The following SPAG16 variants were observed in gnomAD, a reference collection of about 807,000 sequenced individuals.
SPAG16 encodes sperm associated antigen 16.
SPAG16 carries 86 observed loss-of-function variants against 80.4 expected under a neutral mutation model. The ratio of observed to expected loss-of-function variants is 1.07; its 90% CI spans 0.90 to 1.28. The LOEUF (loss-of-function observed/expected upper bound fraction) is 1.28. Among genes scored for constraint, SPAG16 ranks in the 50% most tolerant of loss-of-function variants. The probability of loss-of-function intolerance (pLI) is 0.00; values close to 1 mark genes in which losing one functional copy is unlikely to be tolerated. For missense variants in SPAG16, 870 were observed against 765.3 expected (o/e 1.14, Z -1.61); for synonymous variants, 294 against 265.9 (o/e 1.11, Z -1.03).
At chr2:213,327,849 TGA>T (rs1319381082) in intron 5 of SPAG16, among the ~76,000 whole-genome samples, 4 of 152,292 alleles carry the variant, frequency 2.6e-5, no homozygotes, top group African/African-American at 9.6e-5. Context: ...TTTACTATAC[TGA>T]ATAGCAGTAT....
At chr2:214,244,501 C>T (rs1217234852) in intron 15 of SPAG16, among the ~76,000 whole-genome samples, 1 of 151,470 alleles carries the variant, frequency 6.6e-6, no homozygotes, top group Non-Finnish European at 1.5e-5. Context: ...TTCTGAGGCC[C>T]TGATAGGAAG....
At position 213,408,194 on chromosome 2, in the gene SPAG16, A is replaced by G. The variant is rs200573033; in HGVS notation, c.942+33075A>G. 2.4e-4 allele frequency among the ~76,000 whole-genome samples: 37 copies of G among 152,338 alleles called. No homozygotes were observed. The East Asian group carries it at 6.4e-3, about 26-fold the overall frequency. ...ATTTAAAACCTATAATTGATAATTG[A>G]AGGTCTTCTCCGTGACCCTGCAACA... On this transcript the variant is annotated intron_variant, in intron 9 of 15. Transcript: ENST00000331683.
At position 214,158,526 on chromosome 2, in the gene SPAG16, A is replaced by G. The variant is rs2056309282; in HGVS notation, c.1720+9260A>G. Among the ~76,000 whole-genome samples the G allele has an allele frequency of 2.6e-5, 4 of 152,038 alleles. No homozygotes were observed. The South Asian group carries it at 8.3e-4, about 31-fold the overall frequency. Reference sequence around the variant, plus strand: ...TCCAACATTTTAATAAATTAAATTAATGACTGGATCAAAGTCTTCTTACAG... The same window carrying G: ...TCCAACATTTTAATAAATTAAATTAGTGACTGGATCAAAGTCTTCTTACAG... On this transcript the variant is annotated intron_variant, in intron 15 of 15. Transcript: ENST00000331683.
chr2:214,147,118 G>T (rs1442104276), intron 14 of SPAG16, among the ~76,000 whole-genome samples: 2 of 152,080 alleles, frequency 1.3e-5, no homozygotes, highest in Non-Finnish European at 2.9e-5. Flanking sequence ...ATTCAAAATT[G>T]CTTGAAGTTG....
intron 10 of SPAG16, among the ~76,000 whole-genome samples, chr2:213,547,376 T>C (rs2076646174): frequency 6.6e-6 from 1 of 152,180 alleles, no homozygotes; most frequent in Admixed American, 6.5e-5. Flanking sequence ...TTATTTGGTC[T>C]ACTCGAATTA....
At chr2:213,955,240 C>T (rs1231231637) in intron 12 of SPAG16, among the ~76,000 whole-genome samples, 1 of 152,040 alleles carries the variant, frequency 6.6e-6, no homozygotes, top group Non-Finnish European at 1.5e-5. Context: ...GAAGTCATTA[C>T]CAAACACAAG....
At chr2:214,354,937 A>G (rs1297104740) in intron 15 of SPAG16, among the ~76,000 whole-genome samples, 1 of 152,068 alleles carries the variant, frequency 6.6e-6, no homozygotes, top group Non-Finnish European at 1.5e-5. Flanking sequence ...CAATCATGTC[A>G]TCTGCAAACA....
chr2:214,388,438 T>C (rs1295426757), intron 15 of SPAG16, among the ~76,000 whole-genome samples: 3 of 152,158 alleles, frequency 2.0e-5, no homozygotes, highest in Non-Finnish European at 4.4e-5. Context: ...AGTTAAAGAA[T>C]ATATATGATC....
chr2:213,317,609 A>C lies in SPAG16; in HGVS notation c.536+253A>C, dbSNP rs80071244. 2,048 of 1,111,526 alleles carry C rather than the reference A, an allele frequency of 1.8e-3. 30 individuals carry two copies. The African/African-American group carries it at 0.029, about 16-fold the overall frequency. 68.9% of individuals were successfully genotyped at this position (1,111,526 alleles called of 1,614,324 possible). A position where few individuals can be genotyped will look rare whatever the true frequency, so the allele number is the denominator to read the frequency against. On this transcript the variant is annotated intron_variant, in intron 5 of 15. Transcript: ENST00000331683. ...ATGGTACATTTTTTATATAACATTCACTTCCTTGTGTATTTGATAGTCTTT... is the reference window on the plus strand; with the variant it reads ...ATGGTACATTTTTTATATAACATTCCCTTCCTTGTGTATTTGATAGTCTTT...
rs150238675 is a variant in SPAG16 at position 213,903,235 on chromosome 2, G to A, written c.1215-26725G>A. Among the ~76,000 whole-genome samples, 585 of 152,266 alleles carry A rather than the reference G, an allele frequency of 3.8e-3. 2 individuals are homozygous for A. Among genetic ancestry groups the A allele is most frequent in the Non-Finnish European group, 5.5e-3 (374 of 68,026 alleles). On this transcript the variant is annotated intron_variant, in intron 11 of 15. Transcript: ENST00000331683. ...GCCCCCGTAGGGACTCTGCATGGGG[G>A]CTCAGACCCCACATTTCCCTTCTGC...
chr2:213,673,581 G>A lies in SPAG16; in HGVS notation c.1070+183491G>A, dbSNP rs563756765. On this transcript the variant is annotated intron_variant, in intron 10 of 15. Coordinates refer to ENST00000331683, the MANE Select transcript of SPAG16 (RefSeq NM_024532.5). ...GAGTCAAGGGAAAAAGCACATTGCA[G>A]AAGAGGATACACAATCTAATATATG... 1.7e-4 allele frequency among the ~76,000 whole-genome samples: 26 copies of A among 152,270 alleles called. No individual in the cohort carries two copies. The East Asian group carries it at 4.6e-3, about 27-fold the overall frequency.
At chr2:213,918,446 C>A (rs1404852522) in intron 11 of SPAG16, among the ~76,000 whole-genome samples, 2 of 152,052 alleles carry the variant, frequency 1.3e-5, no homozygotes, top group African/African-American at 4.8e-5. Flanking sequence ...GCTGTGTCCT[C>A]ATCCAAATCT....
chr2:213,745,857 A>C (rs2067796871), intron 10 of SPAG16, among the ~76,000 whole-genome samples: 1 of 152,242 alleles, frequency 6.6e-6, no homozygotes, highest in South Asian at 2.1e-4. Flanking sequence ...TGGTGAACTG[A>C]GTACATAAAA....
intron 14 of SPAG16, among the ~76,000 whole-genome samples, chr2:214,143,058 G>A (rs1217407140): frequency 6.6e-6 from 1 of 151,930 alleles, no homozygotes; most frequent in Non-Finnish European, 1.5e-5. Flanking sequence ...TCGTTTTTTA[G>A]CCTCACTCTG....
intron 15 of SPAG16, among the ~76,000 whole-genome samples, chr2:214,256,979 T>A (rs1157928493): frequency 6.6e-6 from 1 of 151,978 alleles, no homozygotes; most frequent in African/African-American, 2.4e-5. Context: ...TCTTTTGGTG[T>A]GGAATGTATA....
chr2:214,140,943 GGGGT>G (rs1559839200), intron 14 of SPAG16, among the ~76,000 whole-genome samples: 2 of 90,454 alleles, frequency 2.2e-5, no homozygotes, highest in Admixed American at 1.2e-4. Flanking sequence ...TGGGGGGGGG[GGGGT>G]GGGGGGTGGG....
At chr2:214,212,792 A>C (rs2058329595) in intron 15 of SPAG16, among the ~76,000 whole-genome samples, 1 of 152,178 alleles carries the variant, frequency 6.6e-6, no homozygotes, top group Non-Finnish European at 1.5e-5. Flanking sequence ...CTGTCACTTG[A>C]GATTGAAAGA....
At chr2:213,582,415 T>A (rs2060327451) in intron 10 of SPAG16, among the ~76,000 whole-genome samples, 1 of 152,126 alleles carries the variant, frequency 6.6e-6, no homozygotes, top group South Asian at 2.1e-4. Flanking sequence ...AATTGGAAGG[T>A]AGCTGAGTAG....
intron 15 of SPAG16, among the ~76,000 whole-genome samples, chr2:214,174,677 A>C (rs544547841): frequency 6.6e-6 from 1 of 151,754 alleles, no homozygotes; most frequent in African/African-American, 2.4e-5. Flanking sequence ...CAATGTGAGA[A>C]GGATTCTGTG....
Sources: gnomAD v4.1 joint callset for allele counts (sites outside exome capture counted in the v4.1 genomes callset) on GRCh38, gnomAD v4.1.1 for gene constraint, MANE v1.5 for transcripts, NCBI Gene and HGNC (gene_info 2026-07-23, HGNC 2026-07-21) for gene names.